PRIM2: variants seen among roughly 807,000 people sequenced by gnomAD.
PRIM2 encodes DNA primase large subunit.
A neutral mutation model predicts 67.3 loss-of-function variants in PRIM2; 39 were observed. The observed-to-expected ratio is 0.58, with a 90% CI of 0.45 to 0.76. The LOEUF (loss-of-function observed/expected upper bound fraction) is 0.76. Among genes scored for constraint, PRIM2 ranks in the 30% least tolerant of loss-of-function variants. The pLI, the probability that PRIM2 is intolerant of heterozygous loss-of-function variation, is 0.00. For synonymous variants in PRIM2, 143 were observed against 198.7 expected (o/e 0.72, Z 2.36); for missense variants, 398 against 598.7 (o/e 0.66, Z 3.50).
the PRIM2 span, among the ~76,000 whole-genome samples, chr6:57,241,975 A>T: frequency 2.8e-4 from 42 of 152,250 alleles, no homozygotes; most frequent in Non-Finnish European, 4.9e-4. Context: ...CCCGGCCAGA[A>T]CCATTTAATT....
At chr6:57,460,579 C>G (rs1772971963) in intron 7 of PRIM2, among the ~76,000 whole-genome samples, 1 of 147,176 alleles carries the variant, frequency 6.8e-6, no homozygotes, top group Non-Finnish European at 1.5e-5. Flanking sequence ...TGATTTAAGT[C>G]TTTTGATAGG....
intron 7 of PRIM2, among the ~76,000 whole-genome samples, chr6:57,387,545 C>G (rs550908960): frequency 2.0e-4 from 30 of 152,108 alleles, no homozygotes; most frequent in African/African-American, 6.0e-4. Flanking sequence ...GTAACTGTGC[C>G]TTTGTCAGGA....
chr6:57,462,767 C>A (rs1391470725), intron 7 of PRIM2, among the ~76,000 whole-genome samples: 1 of 152,072 alleles, frequency 6.6e-6, no homozygotes, highest in East Asian at 1.9e-4. Flanking sequence ...GTTTTTATTC[C>A]CTCTATTATT....
intron 7 of PRIM2, among the ~76,000 whole-genome samples, chr6:57,453,335 A>G (rs1772628077): frequency 6.6e-6 from 1 of 152,160 alleles, no homozygotes; most frequent in Non-Finnish European, 1.5e-5. Flanking sequence ...AGTCATTGGT[A>G]GCTTGATGGG....
the PRIM2 span, among the ~76,000 whole-genome samples, chr6:57,309,598 C>T: frequency 6.6e-5 from 10 of 152,032 alleles, no homozygotes; most frequent in Admixed American, 4.6e-4. Flanking sequence ...CAAGTCTTTG[C>T]TATTGTGAAT....
At chr6:57,318,323 C>A (rs749855905) in intron 1 of PRIM2, 114 bp from the exon 2 acceptor site, 3 of 1,026,614 alleles carry the variant, frequency 2.9e-6, no homozygotes, top group Non-Finnish European at 4.2e-6. Context: ...TTTGTGCATG[C>A]CCTCAAATCC....
intron 9 of PRIM2, among the ~76,000 whole-genome samples, chr6:57,536,142 A>G (rs1357186129): frequency 1.3e-5 from 2 of 152,220 alleles, no homozygotes; most frequent in Admixed American, 6.5e-5. Context: ...AAAAGAATGA[A>G]GAGAAACTAG....
At chr6:57,229,845 A>T in the PRIM2 span, among the ~76,000 whole-genome samples, 2 of 149,336 alleles carry the variant, frequency 1.3e-5, no homozygotes, top group Admixed American at 1.4e-4. Context: ...CTATTGTTCC[A>T]TTATTTCCAA....
At chr6:57,591,438 A>G (rs1206363905) in intron 10 of PRIM2, among the ~76,000 whole-genome samples, 5 of 152,304 alleles carry the variant, frequency 3.3e-5, no homozygotes, top group South Asian at 2.1e-4. Context: ...TACTTATGAT[A>G]ACTAATCTTC....
chr6:57,395,073 G>A (rs1353054607), intron 7 of PRIM2, among the ~76,000 whole-genome samples: 4 of 152,110 alleles, frequency 2.6e-5, no homozygotes, highest in Admixed American at 6.6e-5. Flanking sequence ...CTAGTATTTT[G>A]TTAAGGATTT....
At chr6:57,259,884 A>G in the PRIM2 span, among the ~76,000 whole-genome samples, 1 of 152,200 alleles carries the variant, frequency 6.6e-6, no homozygotes, top group Non-Finnish European at 1.5e-5. Flanking sequence ...TTCAAAGACT[A>G]GTCAGATGTG....
chr6:57,406,139 AT>A (rs1411523598), intron 7 of PRIM2, among the ~76,000 whole-genome samples: 14 of 152,204 alleles, frequency 9.2e-5, no homozygotes, highest in Non-Finnish European at 1.0e-4. Flanking sequence ...AGATGTAAGC[AT>A]TCCCTTGACC....
At chr6:57,557,307 C>T (rs1446441354) in intron 10 of PRIM2, among the ~76,000 whole-genome samples, 4 of 151,044 alleles carry the variant, frequency 2.6e-5, no homozygotes, top group Non-Finnish European at 4.4e-5. Flanking sequence ...ACCATAAAGA[C>T]ATATGCACGC....
chr6:57,229,673 G>T, the PRIM2 span, among the ~76,000 whole-genome samples: 1 of 151,948 alleles, frequency 6.6e-6, no homozygotes, highest in African/African-American at 2.4e-5. Flanking sequence ...TGTATTTTTA[G>T]TAGAGACAGG....
chr6:57,431,663 A>G (rs1191602433), intron 7 of PRIM2, among the ~76,000 whole-genome samples: 3 of 151,842 alleles, frequency 2.0e-5, no homozygotes, highest in Non-Finnish European at 4.4e-5. Flanking sequence ...AAAAAATGTG[A>G]TTTGTTTTGT....
intron 7 of PRIM2, among the ~76,000 whole-genome samples, chr6:57,430,398 A>C (rs550205776): frequency 6.6e-6 from 1 of 151,938 alleles, no homozygotes; most frequent in Non-Finnish European, 1.5e-5. Context: ...ATGGAAAACG[A>C]AAGTAATTTT....
chr6:57,571,974 G>A (rs1775871804), intron 10 of PRIM2, among the ~76,000 whole-genome samples: 2 of 152,136 alleles, frequency 1.3e-5, no homozygotes, highest in Non-Finnish European at 2.9e-5. Flanking sequence ...ACCCCTGTAT[G>A]TGTTAAATAC....
chr6:57,309,895 C>T (rs566217309), upstream of PRIM2, among the ~76,000 whole-genome samples: 6 of 152,160 alleles, frequency 3.9e-5, no homozygotes, highest in South Asian at 2.1e-4. Context: ...ATGGACTTCA[C>T]GTCCAAAACA....
At chr6:57,261,427 T>C in the PRIM2 span, among the ~76,000 whole-genome samples, 1 of 152,244 alleles carries the variant, frequency 6.6e-6, no homozygotes, top group Admixed American at 6.5e-5. Context: ...CTTTCTGCTC[T>C]CTCTTCAGGG....
Sources: allele counts gnomAD v4.1 joint callset (sites outside exome capture counted in the v4.1 genomes callset), GRCh38; gene constraint gnomAD v4.1.1; transcripts MANE v1.5; gene names NCBI Gene and HGNC (gene_info 2026-07-23, HGNC 2026-07-21).